Variants in KCNH7 observed in about 807,000 individuals in gnomAD.
KCNH7 encodes potassium voltage-gated channel subfamily H member 7, also known as voltage-gated inwardly rectifying potassium channel KCNH7.
KCNH7 carries 49 observed loss-of-function variants against 120.8 expected under a neutral mutation model. The observed-to-expected ratio is 0.41, with a 90% CI of 0.32 to 0.51. KCNH7 has a LOEUF of 0.51. Among genes scored for constraint, KCNH7 ranks in the 20% least tolerant of loss-of-function variants. The pLI, the probability that KCNH7 is intolerant of heterozygous loss-of-function variation, is 0.38. For missense variants in KCNH7, 1,097 were observed against 1,446.6 expected (o/e 0.76, Z 3.92); for synonymous variants, 547 against 516.1 (o/e 1.06, Z -0.81).
chr2:162,646,814 G>A (rs957777314), intron 2 of KCNH7, among the ~76,000 whole-genome samples: 2 of 152,162 alleles, frequency 1.3e-5, no homozygotes, highest in African/African-American at 4.8e-5. Context: ...AATAAGCTTG[G>A]AAAAGGATTC....
intron 2 of KCNH7, among the ~76,000 whole-genome samples, chr2:162,734,384 AT>A (rs1407542936): frequency 1.3e-5 from 2 of 152,130 alleles, no homozygotes. Context: ...TTTTATAACA[AT>A]TTTTAATGAG....
At chr2:162,710,017 A>G (rs1203671303) in intron 2 of KCNH7, among the ~76,000 whole-genome samples, 1 of 152,152 alleles carries the variant, frequency 6.6e-6, no homozygotes, top group Non-Finnish European at 1.5e-5. Context: ...AGCATCAAAC[A>G]AGACAGATAA....
intron 2 of KCNH7, among the ~76,000 whole-genome samples, chr2:162,758,313 C>T (rs1188463672): frequency 2.6e-5 from 4 of 152,008 alleles, no homozygotes. Flanking sequence ...CAGGCTATAT[C>T]GTTATTGGAG....
intron 2 of KCNH7, among the ~76,000 whole-genome samples, chr2:162,585,389 T>G (rs1693993363): frequency 6.6e-6 from 1 of 152,096 alleles, no homozygotes; most frequent in African/African-American, 2.4e-5. Context: ...GCAAATTTAT[T>G]TGCAGAAAGC....
chr2:162,629,049 C>G (rs1374385147), intron 2 of KCNH7, among the ~76,000 whole-genome samples: 1 of 152,086 alleles, frequency 6.6e-6, no homozygotes, highest in Non-Finnish European at 1.5e-5. Context: ...CACACCATCA[C>G]CACATACACA....
At chr2:162,480,080 T>C (rs1384689670) in intron 6 of KCNH7, among the ~76,000 whole-genome samples, 2 of 152,078 alleles carry the variant, frequency 1.3e-5, no homozygotes, top group Non-Finnish European at 2.9e-5. Context: ...AATCTCTAGT[T>C]GAAGGCAAGC....
chr2:162,379,939 A>G lies in KCNH7; in HGVS notation c.3045T>C (p.Ala1015=), dbSNP rs1263697538. ...EDSSPSALQR[A]AWGISETESD... is the part of the protein sequence containing the mutation. The stretch of plus-strand genomic sequence containing the variant: ...TTTCGGTTTCAGAGATACCCCAGGC[A>G]GCTCGCTGAAGTGCAGATGGACTGG... Residue 1015 remains alanine (A), a synonymous_variant, in exon 14 of 16, where the codon GCT becomes GCC. Coordinates refer to ENST00000332142, the MANE Select transcript of KCNH7 (RefSeq NM_033272.4). 1 of 1,614,060 alleles carries G rather than the reference A, an allele frequency of 6.2e-7. No homozygotes were observed. Among genetic ancestry groups the G allele is most frequent in the Admixed American group, 1.7e-5 (1 of 60,000 alleles).
At chr2:162,669,892 G>C (rs1685283067) in intron 2 of KCNH7, among the ~76,000 whole-genome samples, 1 of 152,056 alleles carries the variant, frequency 6.6e-6, no homozygotes, top group African/African-American at 2.4e-5. Flanking sequence ...CTGAGGTCAG[G>C]AGTTCAAGAG....
intron 12 of KCNH7, among the ~76,000 whole-genome samples, chr2:162,388,910 G>C (rs1036648671): frequency 5.1e-4 from 78 of 151,940 alleles, no homozygotes; most frequent in Non-Finnish European, 1.2e-4. Flanking sequence ...TTCCTGTGGA[G>C]TATATATCGA....
At chr2:162,745,768 T>C (rs775516198) in intron 2 of KCNH7, among the ~76,000 whole-genome samples, 8 of 152,114 alleles carry the variant, frequency 5.3e-5, no homozygotes, top group Non-Finnish European at 1.2e-4. Flanking sequence ...TAATTTATTC[T>C]AAGCATGTAT....
intron 8 of KCNH7, among the ~76,000 whole-genome samples, chr2:162,424,634 T>C (rs1213848781): frequency 6.6e-6 from 1 of 152,230 alleles, no homozygotes; most frequent in Non-Finnish European, 1.5e-5. Flanking sequence ...ATTGCTTCTA[T>C]AATCCACTTA....
chr2:162,735,400 C>A (rs946608188), intron 2 of KCNH7, among the ~76,000 whole-genome samples: 3 of 152,110 alleles, frequency 2.0e-5, no homozygotes, highest in Non-Finnish European at 4.4e-5. Context: ...AAATAACCTG[C>A]CATTGCTTTG....
At chr2:162,820,505 AC>A (rs113976027) in intron 2 of KCNH7, among the ~76,000 whole-genome samples, 3,927 of 152,216 alleles carry the variant, frequency 0.026, 164 homozygotes, top group African/African-American at 0.089. Flanking sequence ...TCTTCTTGGT[AC>A]TATTTCATCA....
chr2:162,717,008 C>G (rs1199036616), intron 2 of KCNH7, among the ~76,000 whole-genome samples: 1 of 151,806 alleles, frequency 6.6e-6, no homozygotes, highest in Non-Finnish European at 1.5e-5. Context: ...AAGAGTGTTG[C>G]TTTAAAGAAA....
At chr2:162,473,982 A>G (rs1387608180) in intron 6 of KCNH7, among the ~76,000 whole-genome samples, 1 of 152,198 alleles carries the variant, frequency 6.6e-6, no homozygotes, top group East Asian at 1.9e-4. Flanking sequence ...GTTGCACAAT[A>G]TGGCATGAAA....
chr2:162,389,116 ACT>A (rs1432908377), intron 12 of KCNH7, among the ~76,000 whole-genome samples: 1 of 150,158 alleles, frequency 6.7e-6, no homozygotes, highest in East Asian at 2.0e-4. Flanking sequence ...TGAATGTTTC[ACT>A]CTGGTGGCTT....
chr2:162,814,297 ATCT>A (rs549534548), intron 2 of KCNH7, among the ~76,000 whole-genome samples: 11 of 152,216 alleles, frequency 7.2e-5, no homozygotes, highest in Non-Finnish European at 1.5e-4. Context: ...ATTCCTTATC[ATCT>A]TAAAATTTTG....
chr2:162,448,612 CA>C (rs915540320), intron 6 of KCNH7, among the ~76,000 whole-genome samples: 6 of 152,116 alleles, frequency 3.9e-5, no homozygotes, highest in African/African-American at 1.4e-4. Flanking sequence ...GCTTAGGTGA[CA>C]AACTTCCGAT....
chr2:162,517,925 C>T lies in KCNH7; in HGVS notation c.697G>A (p.Gly233Arg), dbSNP rs971800856. 9.9e-6 allele frequency: 16 copies of T among 1,612,306 alleles called. No homozygotes were observed. Among genetic ancestry groups the T allele is most frequent in the African/African-American group, 4.0e-5 (3 of 74,826 alleles). The change falls in exon 4 of 16, where the codon GGA becomes AGA. Residue 233 changes from glycine to arginine, a missense_variant. Around this residue, in one of 8 missense-constraint regions of KCNH7, gnomAD observed 362 missense variants for 372.2 expected, o/e 0.97. Transcript: ENST00000332142. Reference sequence around the variant, plus strand: ...TTGGGAGAGGAATGGTCAAGAGGTCCGGATATATTCACCAAGGGAGAACAT... The same window carrying T: ...TTGGGAGAGGAATGGTCAAGAGGTCTGGATATATTCACCAAGGGAGAACAT... ...SKCSPLVNIS[G>R]PLDHSSPKRQ...
Sources: gnomAD v4.1 joint callset for allele counts (sites outside exome capture counted in the v4.1 genomes callset) on GRCh38, gnomAD v4.1.1 for gene constraint, gnomAD v4.1.1 regional missense constraint, MANE v1.5 for transcripts, NCBI Gene and HGNC (gene_info 2026-07-23, HGNC 2026-07-21) for gene names.